RB1CC1: variants seen among roughly 807,000 people sequenced by gnomAD.
RB1CC1 encodes the protein RB1 inducible coiled-coil 1, also known as RB1-inducible coiled-coil protein 1.
A neutral mutation model predicts 177.5 loss-of-function variants in RB1CC1; 46 were observed. That is an observed-to-expected ratio of 0.26 (90% CI 0.20 to 0.33). The LOEUF (loss-of-function observed/expected upper bound fraction) is 0.33, where lower values mean the gene tolerates loss of function less well. Among genes scored for constraint, RB1CC1 ranks in the 10% least tolerant of loss-of-function variants. RB1CC1 has a pLI of 1.00. For synonymous variants in RB1CC1, 666 were observed against 613.6 expected (o/e 1.09, Z -1.26); for missense variants, 1,703 against 1,816.3 (o/e 0.94, Z 1.13).
intron 22 of RB1CC1, 112 bp downstream of exon 22, chr8:52,627,920 G>T: frequency 2.2e-6 from 2 of 892,412 alleles, no homozygotes; most frequent in Non-Finnish European, 3.2e-6. Flanking sequence ...GATTACACAG[G>T]GTTCCCTCTT....
At chr8:52,665,554 A>T (rs993346040) in intron 8 of RB1CC1, among the ~76,000 whole-genome samples, 13 of 152,362 alleles carry the variant, frequency 8.5e-5, no homozygotes, top group East Asian at 7.7e-4. Context: ...CTAAATAATC[A>T]CCAAAAGAAG....
Position 52,685,408 on chromosome 8 carries a change from G to GT in RB1CC1, c.61dup (p.Thr21AsnfsTer9), listed in dbSNP as rs1854185391. On this transcript the variant is annotated frameshift_variant, in exon 3 of 24. Transcript: ENST00000025008. LOFTEE classifies it high-confidence loss of function. ...ATGAAATACAACTCACGTTTGCACT[G>GT]TAAGTTCAGTGTCAAATGTTAGAGT... 6.3e-7 allele frequency: 1 copy of GT among 1,594,044 alleles called. No homozygotes were observed. Among genetic ancestry groups the GT allele is most frequent in the Non-Finnish European group, 8.6e-7 (1 of 1,166,778 alleles).
At chr8:52,662,203 C>T (rs1051341627) in intron 8 of RB1CC1, among the ~76,000 whole-genome samples, 5 of 152,190 alleles carry the variant, frequency 3.3e-5, no homozygotes, top group African/African-American at 1.2e-4. Context: ...TATCTCTGGA[C>T]TATATTTTGT....
At chr8:52,659,202 T>G (rs565968523) in intron 12 of RB1CC1, among the ~76,000 whole-genome samples, 1 of 152,174 alleles carries the variant, frequency 6.6e-6, no homozygotes, top group African/African-American at 2.4e-5. Context: ...GATGCACTTG[T>G]TCCTCCCCTT....
intron 1 of RB1CC1, among the ~76,000 whole-genome samples, chr8:52,712,496 CAAAAA>C (rs5891479): frequency 1.0e-5 from 1 of 100,476 alleles, no homozygotes; most frequent in East Asian, 4.2e-4. Flanking sequence ...CAGCAAGAGC[CAAAAA>C]AAAAAAAAAA....
intron 18 of RB1CC1, among the ~76,000 whole-genome samples, chr8:52,640,399 G>A (rs774853295): frequency 2.1e-4 from 32 of 152,166 alleles, no homozygotes; most frequent in Non-Finnish European, 4.4e-4. Context: ...ATAAAGAAAT[G>A]ATAAACGTTT....
intron 1 of RB1CC1, among the ~76,000 whole-genome samples, chr8:52,698,929 G>A (rs1009184259): frequency 3.3e-5 from 5 of 151,704 alleles, no homozygotes; most frequent in Non-Finnish European, 7.4e-5. Flanking sequence ...CACCTCAGGT[G>A]ATCTGTCTGC....
intron 5 of RB1CC1, among the ~76,000 whole-genome samples, chr8:52,681,303 T>TA (rs1853696998): frequency 6.6e-6 from 1 of 152,170 alleles, no homozygotes; most frequent in Non-Finnish European, 1.5e-5. Flanking sequence ...AAACTATTTT[T>TA]ATCAATGTGT....
chr8:52,641,384 C>CAAAAAAAAAAAAAAAAAAAATAA (rs1849568311), intron 18 of RB1CC1, among the ~76,000 whole-genome samples: 1 of 97,502 alleles, frequency 1.0e-5, no homozygotes, highest in African/African-American at 4.0e-5. Context: ...GACTTCATCT[C>CAAAAAAAAAAAAAAAAAAAATAA]AAAAAAAAAA....
rs1404810437 is a variant in RB1CC1 at position 52,660,998 on chromosome 8, C to T, written c.1555G>A (p.Ala519Thr). 6.2e-7 allele frequency: 1 copy of T among 1,613,346 alleles called. No homozygotes were observed. The highest frequency in any genetic ancestry group is 8.5e-7 in the Non-Finnish European group (1 of 1,179,734). ...FIKHYREWAG[A>T]LVKDGKRLYE... Reference sequence around the variant, plus strand: ...AATCTCTTTCCATCTTTGACTAAAGCACCAGCCCACTAGAAGAGGAAAGCT... The same window carrying T: ...AATCTCTTTCCATCTTTGACTAAAGTACCAGCCCACTAGAAGAGGAAAGCT... The change falls in exon 11 of 24, where the codon GCT becomes ACT. Residue 519 changes from alanine to threonine, a missense_variant. Physicochemically the swap from Ala to Thr is moderately conservative, Grantham distance 58 (BLOSUM62 0). This residue lies in a region of RB1CC1 where 1,169 missense variants were observed against 1,184.7 expected (regional missense o/e 0.99). Transcript: ENST00000025008.
At chr8:52,687,064 G>T in intron 1 of RB1CC1, 97 bp from the exon 2 acceptor site, 1 of 419,398 alleles carries the variant, frequency 2.4e-6, no homozygotes. Flanking sequence ...TACCGTCTAA[G>T]AATAATCTCT....
At chr8:52,711,348 C>G (rs1041836343) in intron 1 of RB1CC1, among the ~76,000 whole-genome samples, 20 of 152,126 alleles carry the variant, frequency 1.3e-4, no homozygotes, top group African/African-American at 4.8e-4. Flanking sequence ...TGATTTGGTC[C>G]ATAATAAATA....
rs181328291 is a variant in RB1CC1 at position 52,629,955 on chromosome 8, C to T, written c.4499+515G>A. Among the ~76,000 whole-genome samples, 30 of 152,256 alleles carry T rather than the reference C, an allele frequency of 2.0e-4. No individual in the cohort carries two copies. The East Asian group carries it at 3.5e-3, about 18-fold the overall frequency. On this transcript the variant is annotated intron_variant, in intron 21 of 23. Transcript: ENST00000025008. The stretch of plus-strand genomic sequence containing the variant: ...TCCAATCACCTTGGGCACATGTTCT[C>T]AGGGGCTCCTGAGGGCTGTGTCACA...
chr8:52,658,225 T>C, intron 13 of RB1CC1, 101 bp from the exon 14 acceptor site: 3 of 1,251,780 alleles, frequency 2.4e-6, no homozygotes, highest in Non-Finnish European at 3.3e-6. Context: ...AAGAGCCTTA[T>C]CATTCCTTTT....
intron 1 of RB1CC1, among the ~76,000 whole-genome samples, chr8:52,696,898 G>C (rs965830055): frequency 1.2e-4 from 19 of 152,122 alleles, no homozygotes; most frequent in African/African-American, 4.3e-4. Context: ...AGCTACTTGC[G>C]GGGCTGAGGT....
At position 52,707,850 on chromosome 8, in the gene RB1CC1, A is replaced by T. The variant is rs1473149855; in HGVS notation, c.-167+6225T>A. Among the ~76,000 whole-genome samples, 5 of 152,326 alleles carry T rather than the reference A, an allele frequency of 3.3e-5. No homozygotes were observed. In the East Asian group the frequency reaches 9.7e-4, roughly 29 times the overall value. On this transcript the variant is annotated intron_variant, in intron 1 of 23. Transcript: ENST00000025008. Reference sequence around the variant, plus strand: ...ACTTGATATAGGCTAGATTAACATAAAAATGGCAGACTTAGGAACAAAATT... The same window carrying T: ...ACTTGATATAGGCTAGATTAACATATAAATGGCAGACTTAGGAACAAAATT...
Position 52,657,771 on chromosome 8 carries a change from G to A in RB1CC1, c.2058C>T (p.Pro686=), listed in dbSNP as rs779315879. The A allele has an allele frequency of 3.7e-6, 6 of 1,613,842 alleles. No homozygotes were observed. The highest frequency in any genetic ancestry group is 4.2e-6 in the Non-Finnish European group (5 of 1,179,966). ...VQDPLCPAVC[P]LEELSPDSID... ...TACTATCTGGAGATAATTCTTCTAAGGGACAAACTGCAGGACATAAGGGAT... is the reference window on the plus strand; with the variant it reads ...TACTATCTGGAGATAATTCTTCTAAAGGACAAACTGCAGGACATAAGGGAT... The change falls in exon 15 of 24, where the codon CCC becomes CCT. Residue 686 remains proline (P), a synonymous_variant. Coordinates refer to ENST00000025008, the MANE Select transcript of RB1CC1 (RefSeq NM_014781.5).
intron 9 of RB1CC1, 65 bp downstream of exon 9, chr8:52,661,470 T>C (rs1364899501): frequency 1.3e-6 from 2 of 1,492,288 alleles, no homozygotes; most frequent in Non-Finnish European, 1.8e-6. Flanking sequence ...ACTCCATCAT[T>C]TGGGAGAAAT....
At chr8:52,704,828 A>G (rs1050133500) in intron 1 of RB1CC1, among the ~76,000 whole-genome samples, 27 of 152,336 alleles carry the variant, frequency 1.8e-4, no homozygotes, top group African/African-American at 6.5e-4. Flanking sequence ...AGCCTAGTAC[A>G]TAAGTATTAC....
Sources: gnomAD v4.1 joint callset for allele counts (sites outside exome capture counted in the v4.1 genomes callset) on GRCh38, gnomAD v4.1.1 for gene constraint, gnomAD v4.1.1 regional missense constraint, MANE v1.5 for transcripts, NCBI Gene and HGNC (gene_info 2026-07-23, HGNC 2026-07-21) for gene names.